Variants in GOLIM4 observed in about 807,000 individuals in gnomAD.
The protein encoded by GOLIM4 is 130 kDa golgi-localized phosphoprotein.
Under a neutral mutation model 107.4 loss-of-function variants are expected in GOLIM4, and 71 were observed. That is an observed-to-expected ratio of 0.66 (90% CI 0.55 to 0.81). GOLIM4 has a LOEUF of 0.81. Among genes scored for constraint, GOLIM4 ranks in the 30% least tolerant of loss-of-function variants. The probability of loss-of-function intolerance (pLI) is 0.00; values close to 1 mark genes in which losing one functional copy is unlikely to be tolerated. For missense variants in GOLIM4, 830 were observed against 826.1 expected (o/e 1.00, Z -0.06); for synonymous variants, 327 against 294.8 (o/e 1.11, Z -1.12).
intron 14 of GOLIM4, among the ~76,000 whole-genome samples, chr3:168,022,333 TA>T (rs72025617): frequency 0.046 from 6,589 of 143,212 alleles, 449 homozygotes; most frequent in African/African-American, 0.15. Flanking sequence ...AAATGGAGAT[TA>T]AAAAAAAAAA....
chr3:168,075,760 G>A (rs528401064), intron 1 of GOLIM4, among the ~76,000 whole-genome samples: 27 of 152,228 alleles, frequency 1.8e-4, no homozygotes, highest in African/African-American at 6.5e-4. Flanking sequence ...CGACTCATGG[G>A]AAACAGCCAC....
At chr3:168,087,584 C>T (rs1201779285) in intron 1 of GOLIM4, among the ~76,000 whole-genome samples, 3 of 152,146 alleles carry the variant, frequency 2.0e-5, no homozygotes, top group Non-Finnish European at 2.9e-5. Context: ...AAATAGTACA[C>T]CCGTTATTTC....
Position 168,035,822 on chromosome 3 carries a change from T to C in GOLIM4, c.843+1014A>G, listed in dbSNP as rs181236848. ...CCACTTTGTCAGAAAGATAACCATATTGCCTATTTTTTTATTACAGATGAT... is the reference window on the plus strand; with the variant it reads ...CCACTTTGTCAGAAAGATAACCATACTGCCTATTTTTTTATTACAGATGAT... On this transcript the variant is annotated intron_variant, in intron 8 of 15. Transcript: ENST00000470487. 2.1e-3 allele frequency among the ~76,000 whole-genome samples: 327 copies of C among 152,248 alleles called. 2 individuals are homozygous for C. Among genetic ancestry groups the C allele is most frequent in the Middle Eastern group, 3.4e-3 (1 of 294 alleles).
chr3:168,071,908 C>T (rs917937137), intron 1 of GOLIM4, among the ~76,000 whole-genome samples: 3 of 152,118 alleles, frequency 2.0e-5, no homozygotes, highest in East Asian at 3.8e-4. Flanking sequence ...ACGCCTGTGA[C>T]GGAGTTTCCC....
intron 1 of GOLIM4, among the ~76,000 whole-genome samples, chr3:168,093,248 T>G (rs111948753): frequency 0.025 from 3,808 of 152,340 alleles, 145 homozygotes; most frequent in African/African-American, 0.078. Context: ...AACAAAATAT[T>G]TTCTTGTTTT....
chr3:168,078,610 C>A (rs1319376965), intron 1 of GOLIM4, among the ~76,000 whole-genome samples: 1 of 152,084 alleles, frequency 6.6e-6, no homozygotes, highest in Non-Finnish European at 1.5e-5. Flanking sequence ...CAGTTATATT[C>A]TGAATTTTTC....
intron 1 of GOLIM4, among the ~76,000 whole-genome samples, chr3:168,051,422 T>C (rs1051904067): frequency 6.6e-5 from 10 of 152,166 alleles, no homozygotes; most frequent in Non-Finnish European, 1.0e-4. Flanking sequence ...CAGGAGATCA[T>C]AGGACACAGT....
At chr3:168,073,225 C>T (rs144584420) in intron 1 of GOLIM4, among the ~76,000 whole-genome samples, 122 of 152,344 alleles carry the variant, frequency 8.0e-4, no homozygotes, top group Middle Eastern at 3.4e-3. Context: ...CATAGTCTGC[C>T]ATTCCTTACC....
Position 168,010,779 on chromosome 3 carries a change from A to G in GOLIM4, c.1905T>C (p.His635=). Residue 635 remains histidine, a synonymous_variant, in exon 15 of 16, where the codon CAT becomes CAC. Coordinates refer to ENST00000470487, the MANE Select transcript of GOLIM4 (RefSeq NM_014498.5). ...TTTCACCATAGGTCTCTTCAGCATT[A>G]TGCTCCAGTTCCCTTTTTTTCTCTT... The part of the protein sequence containing the change: ...LTEEKKRELE[H]NAEETYGEND... 6.2e-7 allele frequency: 1 copy of G among 1,612,596 alleles called. No individual in the cohort carries two copies. The highest frequency in any genetic ancestry group is 2.2e-5 in the East Asian group (1 of 44,854).
intron 1 of GOLIM4, among the ~76,000 whole-genome samples, chr3:168,052,248 A>T (rs564809540): frequency 1.3e-5 from 2 of 152,196 alleles, no homozygotes; most frequent in Admixed American, 1.3e-4. Context: ...TAAATAGCTT[A>T]AAAGTGCCAG....
intron 7 of GOLIM4, among the ~76,000 whole-genome samples, chr3:168,039,456 G>A (rs746424922): frequency 2.0e-5 from 3 of 151,870 alleles, no homozygotes; most frequent in Non-Finnish European, 4.4e-5. Context: ...TAGAGAAGGG[G>A]TTTCACCATG....
intron 9 of GOLIM4, among the ~76,000 whole-genome samples, chr3:168,030,744 C>G (rs913165210): frequency 6.6e-6 from 1 of 152,066 alleles, no homozygotes; most frequent in African/African-American, 2.4e-5. Flanking sequence ...AAAGGGGAAC[C>G]CTCGTACGCT....
intron 1 of GOLIM4, among the ~76,000 whole-genome samples, chr3:168,079,703 T>G (rs1472283011): frequency 2.0e-5 from 3 of 152,156 alleles, no homozygotes; most frequent in Middle Eastern, 3.4e-3. Context: ...ATACAAAATT[T>G]AAAAAAGGGA....
intron 14 of GOLIM4, among the ~76,000 whole-genome samples, chr3:168,018,774 C>T (rs4321571): frequency 0.21 from 31,452 of 151,968 alleles, 7,397 homozygotes; most frequent in African/African-American, 0.58. Context: ...TCTTTTACAG[C>T]CTTAATAATG....
intron 1 of GOLIM4, among the ~76,000 whole-genome samples, chr3:168,085,008 T>A (rs1159864820): frequency 2.0e-5 from 3 of 152,156 alleles, no homozygotes; most frequent in Non-Finnish European, 4.4e-5. Flanking sequence ...TAAGGACATT[T>A]ACCAGCAAAG....
At chr3:168,012,633 CAGAGAG>C (rs1717117507) in intron 14 of GOLIM4, among the ~76,000 whole-genome samples, 1 of 148,858 alleles carries the variant, frequency 6.7e-6, no homozygotes, top group Admixed American at 6.6e-5. Context: ...TAAGGGCAGC[CAGAGAG>C]AAAGGTCGGG....
At position 168,041,415 on chromosome 3, in the gene GOLIM4, G is replaced by T; in HGVS notation, c.577C>A (p.His193Asn). The change falls in exon 6 of 16, where the codon CAT (histidine) becomes AAT (asparagine). Residue 193 changes from histidine (H) to asparagine (N), a missense_variant. His to Asn is a moderately conservative substitution (Grantham distance 68). Transcript: ENST00000470487. ...RQLRKAHQDI[H>N]TQLQDVKQQH... ...ACCTTGACATCTTGAAGCTGTGTAT[G>T]TATGTCTTGGTGTGCTTTCCTTAGT... 1 of 1,588,074 alleles carries T rather than the reference G, an allele frequency of 6.3e-7. No homozygotes were observed.
Position 168,062,488 on chromosome 3 carries a change from CA to C in GOLIM4, c.188-14124del, listed in dbSNP as rs1720327977. Among the ~76,000 whole-genome samples, 4 of 151,616 alleles carry C rather than the reference CA, an allele frequency of 2.6e-5. No homozygotes were observed. The South Asian group carries it at 8.4e-4, about 32-fold the overall frequency. Reference sequence around the variant, plus strand: ...ACACATTCCTAAGAATAAATTCCTACACTATTTTCAAAGCTGCCATACCCTT... The same window carrying C: ...ACACATTCCTAAGAATAAATTCCTACCTATTTTCAAAGCTGCCATACCCTT... On this transcript the variant is annotated intron_variant, in intron 1 of 15. Transcript: ENST00000470487.
rs773456639 is a variant in GOLIM4, at chr3:168,036,937, G to A, written c.742C>T (p.Arg248Ter). 1.9e-6 allele frequency: 3 copies of A among 1,571,394 alleles called. No homozygotes were observed. The highest frequency in any genetic ancestry group is 2.6e-6 in the Non-Finnish European group (3 of 1,154,886). The change falls in exon 8 of 16, where the codon CGA (arginine) becomes TGA (stop). Residue 248 changes from arginine to a stop codon, truncating the protein, a stop_gained. Transcript: ENST00000470487. LOFTEE classifies it high-confidence loss of function. ...TGCTGTTCTGCTGGATCAGGTTTTC[G>A]AAGGCTTGGAATCCTATTCAGAGTA... ...KDTLNRIPSL[R>*]KPDPAEQQNV... is the part of the protein sequence containing the mutation.
Sources: allele counts gnomAD v4.1 joint callset (sites outside exome capture counted in the v4.1 genomes callset), GRCh38; gene constraint gnomAD v4.1.1; transcripts MANE v1.5; gene names NCBI Gene and HGNC (gene_info 2026-07-23, HGNC 2026-07-21).